Variants in TP63 observed in about 807,000 individuals in gnomAD.
TP63 encodes tumor protein 63.
TP63 carries 17 observed loss-of-function variants against 82.8 expected under a neutral mutation model. The ratio of observed to expected loss-of-function variants is 0.21; its 90% CI spans 0.14 to 0.31. The LOEUF (loss-of-function observed/expected upper bound fraction) is 0.31. TP63 is among the 10% of genes least tolerant of loss of function. The pLI, the probability that TP63 is intolerant of heterozygous loss-of-function variation, is 1.00. For synonymous variants in TP63, 330 were observed against 321.7 expected (o/e 1.03, Z -0.28); for missense variants, 648 against 895.3 (o/e 0.72, Z 3.52).
chr3:189,605,987 CTG>C, the TP63 span, among the ~76,000 whole-genome samples: 1 of 152,166 alleles, frequency 6.6e-6, no homozygotes, highest in African/African-American at 2.4e-5. Context: ...TGCCATAACA[CTG>C]TGGTTCCAAA....
intron 13 of TP63, among the ~76,000 whole-genome samples, chr3:189,892,696 G>A (rs1721139564): frequency 6.6e-6 from 1 of 152,142 alleles, no homozygotes; most frequent in Admixed American, 6.5e-5. Flanking sequence ...GGAGGCCGAG[G>A]CAGGAAAATG....
intron 1 of TP63, among the ~76,000 whole-genome samples, chr3:189,734,276 A>T (rs1560143996): frequency 6.8e-6 from 1 of 147,648 alleles, no homozygotes; most frequent in Non-Finnish European, 1.5e-5. Flanking sequence ...GGTTCAAGCG[A>T]TTCTCCTGCC....
intron 1 of TP63, among the ~76,000 whole-genome samples, chr3:189,639,416 T>C (rs1018415808): frequency 6.7e-6 from 1 of 149,588 alleles, no homozygotes; most frequent in African/African-American, 2.4e-5. Context: ...TCTTGCTCCA[T>C]CCTTATTTTT....
intron 1 of TP63, among the ~76,000 whole-genome samples, chr3:189,643,588 C>T (rs1712127550): frequency 6.6e-6 from 1 of 152,172 alleles, no homozygotes; most frequent in African/African-American, 2.4e-5. Context: ...TTGACACAAT[C>T]AGATTAATTA....
chr3:189,728,019 A>G (rs976102789), intron 1 of TP63, among the ~76,000 whole-genome samples: 8 of 152,164 alleles, frequency 5.3e-5, no homozygotes, highest in Non-Finnish European at 1.2e-4. Context: ...AACATGTTTT[A>G]TGTTTGTGGA....
chr3:189,696,237 C>G (rs1717369535), intron 1 of TP63, among the ~76,000 whole-genome samples: 1 of 152,100 alleles, frequency 6.6e-6, no homozygotes. Flanking sequence ...CAGACAACCA[C>G]TAATCACTTT....
Position 189,895,875 on chromosome 3 carries a change from T to C in TP63, c.*1373T>C, listed in dbSNP as rs1219044370. On this transcript the variant is annotated 3_prime_UTR_variant, in exon 14 of 14. Coordinates refer to ENST00000264731, the MANE Select transcript of TP63 (RefSeq NM_003722.5). ...TGCATCACTGTATCATTTTCTTTTTTAACCGGTAAGAGTTTCAGTTTGTTG... is the reference window on the plus strand; with the variant it reads ...TGCATCACTGTATCATTTTCTTTTTCAACCGGTAAGAGTTTCAGTTTGTTG... 4.4e-6 allele frequency: 1 copy of C among 225,788 alleles called. No homozygotes were observed. 14.0% of individuals were successfully genotyped at this position (225,788 alleles called of 1,614,324 possible). A position where few individuals can be genotyped will look rare whatever the true frequency, so the allele number is the denominator to read the frequency against.
intron 3 of TP63, among the ~76,000 whole-genome samples, chr3:189,798,535 G>T (rs1168393275): frequency 6.6e-6 from 1 of 152,006 alleles, no homozygotes; most frequent in Non-Finnish European, 1.5e-5. Context: ...ATCTTGCTTT[G>T]CAGGCCCTTT....
chr3:189,686,666 G>T (rs1159607666), intron 1 of TP63, among the ~76,000 whole-genome samples: 1 of 148,396 alleles, frequency 6.7e-6, no homozygotes, highest in African/African-American at 2.5e-5. Context: ...GCCAGATAAG[G>T]GAACATACCA....
rs773003649 is a variant in TP63, at chr3:189,868,583, G to T, written c.996G>T (p.Gly332=). ...LIIVTLETRD[G]QVLGRRCFEA... ...TCCCCTTTATTCTAATTCCTAGTGG[G>T]CAAGTCCTGGGCCGACGCTGCTTTG... Residue 332 remains glycine (G), a synonymous_variant, in exon 8 of 14, where the codon GGG becomes GGT. Coordinates refer to ENST00000264731, the MANE Select transcript of TP63 (RefSeq NM_003722.5). 6.2e-7 allele frequency: 1 copy of T among 1,614,016 alleles called. No homozygotes were observed. Among genetic ancestry groups the T allele is most frequent in the African/African-American group, 1.3e-5 (1 of 75,016 alleles).
At position 189,689,098 on chromosome 3, in the gene TP63, CTTTTTCTTTTTTTTTTTT is replaced by C. The variant is rs1375164196; in HGVS notation, c.63-48636_63-48619del. Among the ~76,000 whole-genome samples the C allele has an allele frequency of 2.9e-4, 25 of 85,154 alleles. 1 individual carries two copies. Among genetic ancestry groups the C allele is most frequent in the Non-Finnish European group, 4.1e-4 (19 of 46,818 alleles). 55.9% of individuals were successfully genotyped at this position (85,154 alleles called of 152,430 possible). A position where few individuals can be genotyped will look rare whatever the true frequency, so the allele number is the denominator to read the frequency against. On this transcript the variant is annotated intron_variant, in intron 1 of 13. Coordinates refer to ENST00000264731, the MANE Select transcript of TP63 (RefSeq NM_003722.5). ...CAGAGTGGCCAGCATTCAAATCTACCTTTTTCTTTTTTTTTTTTTTTTTTTTTTTTTTTTTTGAGACGG... is the reference window on the plus strand; with the variant it reads ...CAGAGTGGCCAGCATTCAAATCTACCTTTTTTTTTTTTTTTTTTGAGACGG...
intron 1 of TP63, among the ~76,000 whole-genome samples, chr3:189,714,064 T>C (rs1718785817): frequency 6.6e-6 from 1 of 152,188 alleles, no homozygotes; most frequent in Admixed American, 6.6e-5. Context: ...TTTCCAACTC[T>C]TCATTTTATA....
chr3:189,751,576 G>A (rs1255938851), intron 3 of TP63, among the ~76,000 whole-genome samples: 2 of 152,114 alleles, frequency 1.3e-5, no homozygotes, highest in African/African-American at 4.8e-5. Context: ...GCCAGTGATG[G>A]TGAGCATTTT....
intron 3 of TP63, among the ~76,000 whole-genome samples, chr3:189,786,613 T>G (rs1021250569): frequency 3.3e-5 from 5 of 152,034 alleles, no homozygotes; most frequent in Non-Finnish European, 7.4e-5. Context: ...TGCTTCGATC[T>G]GACATCTTGG....
chr3:189,832,932 C>T lies in TP63; in HGVS notation c.579+24406C>T, dbSNP rs1047506675. Reference sequence around the variant, plus strand: ...TAGTATTCTGACTTTTACTATTATGCGTCTGTTACTATTTGACAGCTCTCA... The same window carrying T: ...TAGTATTCTGACTTTTACTATTATGTGTCTGTTACTATTTGACAGCTCTCA... On this transcript the variant is annotated intron_variant, in intron 4 of 13. Coordinates refer to ENST00000264731, the MANE Select transcript of TP63 (RefSeq NM_003722.5). Among the ~76,000 whole-genome samples, 3 of 152,184 alleles carry T rather than the reference C, an allele frequency of 2.0e-5. 1 individual carries two copies. Among genetic ancestry groups the T allele is most frequent in the South Asian group, 4.1e-4 (2 of 4,828 alleles).
chr3:189,609,552 T>TC, the TP63 span, among the ~76,000 whole-genome samples: 1 of 152,034 alleles, frequency 6.6e-6, no homozygotes, highest in South Asian at 2.1e-4. Context: ...CCTTGAAGTA[T>TC]CCCCCAGTGT....
In TP63 at chr3:189,705,459, C is replaced by T. The variant is rs566088646; in HGVS notation, c.63-32281C>T. ...TTATTCATTTCTTTCTTTTCTTTTT[C>T]TTTTCATTCTTATTCAATTCTTTTC... is the stretch of plus-strand genomic sequence containing the variant. On this transcript the variant is annotated intron_variant, in intron 1 of 13. Coordinates refer to ENST00000264731, the MANE Select transcript of TP63 (RefSeq NM_003722.5). Among the ~76,000 whole-genome samples, 32 of 148,544 alleles carry T rather than the reference C, an allele frequency of 2.2e-4. No homozygotes were observed. The East Asian group carries it at 5.7e-3, about 27-fold the overall frequency.
intron 1 of TP63, among the ~76,000 whole-genome samples, chr3:189,722,357 G>A (rs1032447302): frequency 2.0e-5 from 3 of 152,202 alleles, no homozygotes; most frequent in Non-Finnish European, 4.4e-5. Flanking sequence ...AAGGATAAGC[G>A]CGTCTTTAGT....
chr3:189,783,971 T>C (rs953145067), intron 3 of TP63, among the ~76,000 whole-genome samples: 3 of 151,844 alleles, frequency 2.0e-5, no homozygotes, highest in African/African-American at 7.2e-5. Context: ...CAAAATATAA[T>C]GATAACTAAA....
Sources: gnomAD v4.1 joint callset for allele counts (sites outside exome capture counted in the v4.1 genomes callset) on GRCh38, gnomAD v4.1.1 for gene constraint, MANE v1.5 for transcripts, NCBI Gene and HGNC (gene_info 2026-07-23, HGNC 2026-07-21) for gene names.